The following SORCS2 variants were observed in gnomAD, a reference collection of about 807,000 sequenced individuals.
SORCS2 encodes the protein sortilin related VPS10 domain containing receptor 2, also known as VPS10 domain-containing receptor SorCS2.
In SORCS2, 100 loss-of-function variants were observed where a neutral mutation model predicts 141.6. The observed-to-expected ratio is 0.71, with a 90% confidence interval of 0.60 to 0.83. The LOEUF (loss-of-function observed/expected upper bound fraction) is 0.83, where lower values mean the gene tolerates loss of function less well. Ranked by LOEUF, SORCS2 falls within the 40% of genes least tolerant of loss-of-function variation. SORCS2 has a pLI of 0.00. For missense variants in SORCS2, 1,646 were observed against 1,560.2 expected (o/e 1.05, Z -0.93); for synonymous variants, 789 against 676.9 (o/e 1.17, Z -2.57).
intron 1 of SORCS2, among the ~76,000 whole-genome samples, chr4:7,314,545 T>C (rs1365747076): frequency 6.6e-6 from 1 of 152,080 alleles, no homozygotes; most frequent in Non-Finnish European, 1.5e-5. Flanking sequence ...TTCACCGTGT[T>C]AGCCAGGATG....
intron 3 of SORCS2, among the ~76,000 whole-genome samples, chr4:7,596,394 C>T (rs566795133): frequency 6.6e-5 from 10 of 152,228 alleles, no homozygotes; most frequent in Non-Finnish European, 7.4e-5. Flanking sequence ...TATAGGGACT[C>T]GCTAGACCTG....
chr4:7,704,201 C>T lies in SORCS2; in HGVS notation c.1785C>T (p.Thr595=). ...GGTTCAGTGTGGACGAGGGCCTCAC[C>T]TGGAGCACGCACAACTTCACCAGCA... ...ILKFSVDEGL[T]WSTHNFTSTS... is the part of the protein sequence containing the mutation. Residue 595 remains threonine, a synonymous_variant, in exon 14 of 27, where the codon ACC becomes ACT. Coordinates refer to ENST00000507866, the MANE Select transcript of SORCS2 (RefSeq NM_020777.3). 1.2e-6 allele frequency: 2 copies of T among 1,612,916 alleles called. No homozygotes were observed. Among genetic ancestry groups the T allele is most frequent in the Middle Eastern group, 1.7e-4 (1 of 6,060 alleles).
intron 3 of SORCS2, among the ~76,000 whole-genome samples, chr4:7,597,131 T>G (rs1473422458): frequency 6.8e-6 from 1 of 146,272 alleles, no homozygotes; most frequent in Non-Finnish European, 1.5e-5. Context: ...GCTATTGCAA[T>G]AGGGGAGGGG....
At chr4:7,250,607 C>G (rs1577321909) in intron 1 of SORCS2, among the ~76,000 whole-genome samples, 1 of 152,240 alleles carries the variant, frequency 6.6e-6, no homozygotes, top group Admixed American at 6.5e-5. Context: ...GGCTGAGAGG[C>G]AGATGTTGAG....
intron 18 of SORCS2, 53 bp from the exon 19 acceptor site, chr4:7,723,644 G>A: frequency 1.9e-6 from 3 of 1,589,850 alleles, no homozygotes; most frequent in Non-Finnish European, 2.6e-6. Flanking sequence ...AACCACTCTG[G>A]CCCCTCAGCT....
intron 13 of SORCS2, 133 bp from the exon 14 acceptor site, chr4:7,704,044 A>T: frequency 1.4e-6 from 1 of 715,398 alleles, no homozygotes; most frequent in South Asian, 1.6e-5. Flanking sequence ...ACATAAGCAG[A>T]TGTGGTATCA....
intron 2 of SORCS2, among the ~76,000 whole-genome samples, chr4:7,501,226 G>A (rs1731957734): frequency 6.6e-6 from 1 of 152,138 alleles, no homozygotes. Context: ...CACCCGCTCG[G>A]TCCCACGCCC....
chr4:7,193,124 A>G lies in SORCS2; in HGVS notation c.478A>G (p.Ser160Gly). 6.5e-7 allele frequency: 1 copy of G among 1,531,688 alleles called. No homozygotes were observed. Among genetic ancestry groups the G allele is most frequent in the Non-Finnish European group, 8.7e-7 (1 of 1,149,638 alleles). The allele number at this position is 1,531,688 out of a possible 1,614,324, so 94.9% of individuals were successfully genotyped here. ...GGTGCACTGGACGGGCGAGAACAGCAGCGTAAGTGACCTCCACGCGCTCGC... is the reference window on the plus strand; with the variant it reads ...GGTGCACTGGACGGGCGAGAACAGCGGCGTAAGTGACCTCCACGCGCTCGC... Reference protein sequence around the residue: ...AMVHWTGENSSVILILTKYYH... With the variant: ...AMVHWTGENSGVILILTKYYH... Residue 160 changes from serine (S) to glycine (G), a missense_variant and splice_region_variant, in exon 1 of 27, where the codon AGC (serine) becomes GGC (glycine). Physicochemically the swap from Ser to Gly is moderately conservative, Grantham distance 56 (BLOSUM62 0). Transcript: ENST00000507866. This position sits in a 1 kb window ranked among gnomAD's most constrained non-coding sequence, Gnocchi z 4.8.
At chr4:7,373,615 C>T (rs1197663493) in intron 1 of SORCS2, among the ~76,000 whole-genome samples, 1 of 149,768 alleles carries the variant, frequency 6.7e-6, no homozygotes, top group Non-Finnish European at 1.5e-5. Flanking sequence ...GCCTCAGCCT[C>T]CCAAGTAGCT....
At chr4:7,679,823 A>G (rs1723402111) in intron 9 of SORCS2, among the ~76,000 whole-genome samples, 1 of 150,832 alleles carries the variant, frequency 6.6e-6, no homozygotes, top group Non-Finnish European at 1.5e-5. Flanking sequence ...ATGCAGAGAC[A>G]CACTGATATT....
intron 1 of SORCS2, among the ~76,000 whole-genome samples, chr4:7,343,233 C>T (rs930217948): frequency 4.6e-5 from 7 of 152,218 alleles, no homozygotes; most frequent in Non-Finnish European, 8.8e-5. Context: ...CAGGGAGTCA[C>T]AAGGGCCCAT....
In SORCS2 at chr4:7,740,238, G is replaced by A; in HGVS notation, c.3454G>A (p.Glu1152Lys). The change falls in exon 27 of 27, where the codon GAG becomes AAG. Residue 1152 changes from glutamate to lysine, a missense_variant. Coordinates refer to ENST00000507866, the MANE Select transcript of SORCS2 (RefSeq NM_020777.3). ...CGTGGTCCTGAGCATCAACTCCCGA[G>A]AGATGCACAGCTACCTGGTGAGCTG... ...SGVVLSINSR[E>K]MHSYLVS 1.2e-6 allele frequency: 2 copies of A among 1,609,996 alleles called. No homozygotes were observed. The highest frequency in any genetic ancestry group is 1.3e-5 in the African/African-American group (1 of 75,028).
chr4:7,222,473 A>T (rs1351607344), intron 1 of SORCS2, among the ~76,000 whole-genome samples: 4 of 152,102 alleles, frequency 2.6e-5, no homozygotes, highest in Non-Finnish European at 5.9e-5. Flanking sequence ...GTTGCTTGGG[A>T]CTGGCAGAGA....
At chr4:7,714,602 C>T (rs1044890117) in intron 16 of SORCS2, among the ~76,000 whole-genome samples, 1 of 152,192 alleles carries the variant, frequency 6.6e-6, no homozygotes, top group African/African-American at 2.4e-5. Flanking sequence ...CATTTTTAAA[C>T]CTTCTCAGTG....
At chr4:7,633,576 A>AGAATGAATGAAT (rs57627813) in intron 3 of SORCS2, among the ~76,000 whole-genome samples, 23,711 of 152,012 alleles carry the variant, frequency 0.16, 2,575 homozygotes, top group African/African-American at 0.29. Context: ...GCAATGTGAA[A>AGAATGAATGAAT]GAATGAATGA....
intron 3 of SORCS2, among the ~76,000 whole-genome samples, chr4:7,599,274 G>A (rs1717495201): frequency 1.3e-5 from 2 of 152,184 alleles, no homozygotes; most frequent in Admixed American, 6.5e-5. Context: ...AGCCAGGACT[G>A]GGAGCCAACT....
chr4:7,564,427 G>A (rs114247666), intron 3 of SORCS2, among the ~76,000 whole-genome samples: 4 of 152,236 alleles, frequency 2.6e-5, no homozygotes, highest in African/African-American at 9.6e-5. Flanking sequence ...TCCCCTTTCT[G>A]TAAGGACACT....
intron 1 of SORCS2, among the ~76,000 whole-genome samples, chr4:7,377,731 T>C (rs1043911511): frequency 1.3e-5 from 2 of 152,144 alleles, no homozygotes; most frequent in Non-Finnish European, 2.9e-5. Context: ...CTCAATCAGC[T>C]CAGGAAGTTT....
At chr4:7,652,288 C>T (rs893669761) in intron 4 of SORCS2, among the ~76,000 whole-genome samples, 6 of 152,182 alleles carry the variant, frequency 3.9e-5, no homozygotes, top group African/African-American at 1.4e-4. Flanking sequence ...GGCTCTGGGC[C>T]TTGCCCGTGG....
Sources: allele counts gnomAD v4.1 joint callset (sites outside exome capture counted in the v4.1 genomes callset), GRCh38; gene constraint gnomAD v4.1.1; non-coding constraint Gnocchi (gnomAD v3.1); transcripts MANE v1.5; gene names NCBI Gene and HGNC (gene_info 2026-07-23, HGNC 2026-07-21).